Variants in DPP6 observed in about 807,000 individuals in gnomAD.
The protein encoded by DPP6 is A-type potassium channel modulatory protein DPP6.
A neutral mutation model predicts 122.6 loss-of-function variants in DPP6; 69 were observed. The observed-to-expected ratio is 0.56, with a 90% CI of 0.46 to 0.69. The LOEUF (loss-of-function observed/expected upper bound fraction) is 0.69, where lower values mean the gene tolerates loss of function less well. Ranked by LOEUF, DPP6 falls within the 30% of genes least tolerant of loss-of-function variation. The probability of loss-of-function intolerance (pLI) is 0.00; values close to 1 mark genes in which losing one functional copy is unlikely to be tolerated. For missense variants in DPP6, 928 were observed against 1,116.9 expected (o/e 0.83, Z 2.41); for synonymous variants, 418 against 433.1 (o/e 0.97, Z 0.43).
intron 1 of DPP6, among the ~76,000 whole-genome samples, chr7:154,376,543 C>T (rs1475383483): frequency 6.6e-6 from 1 of 152,190 alleles, no homozygotes; most frequent in Non-Finnish European, 1.5e-5. Flanking sequence ...GCTAAAATTG[C>T]ATATAGCAAT....
intron 1 of DPP6, among the ~76,000 whole-genome samples, chr7:154,290,293 T>A (rs1179546305): frequency 6.6e-6 from 1 of 152,222 alleles, no homozygotes; most frequent in Admixed American, 6.5e-5. Flanking sequence ...TCATCTCTAA[T>A]GTTTTACTTC....
At chr7:154,231,485 G>A (rs749026007) in intron 1 of DPP6, among the ~76,000 whole-genome samples, 8 of 152,214 alleles carry the variant, frequency 5.3e-5, no homozygotes, top group Middle Eastern at 3.4e-3. Flanking sequence ...GGATAACATC[G>A]GGCATGAGAG....
At chr7:153,773,610 C>T in the DPP6 span, among the ~76,000 whole-genome samples, 1 of 121,090 alleles carries the variant, frequency 8.3e-6, no homozygotes, top group Non-Finnish European at 1.9e-5. Flanking sequence ...TTCTAAATAA[C>T]CTGCATGTCA....
chr7:154,766,908 G>GC (rs924406038), intron 8 of DPP6, among the ~76,000 whole-genome samples: 7 of 152,070 alleles, frequency 4.6e-5, no homozygotes, highest in African/African-American at 1.2e-4. Context: ...GGTGACCCTT[G>GC]CCCCCCCTTG....
chr7:154,892,508 G>C lies in DPP6; in HGVS notation c.*28G>C, dbSNP rs564626595. The C allele has an allele frequency of 7.4e-5, 120 of 1,611,222 alleles. No homozygotes were observed. The highest frequency in any genetic ancestry group is 1.7e-4 in the Middle Eastern group (1 of 6,052). ...TCAGGTCGCTCTAAGCACAAACGTGGCTCTTTCTACAACCAGATGCAACCG... is the reference window on the plus strand; with the variant it reads ...TCAGGTCGCTCTAAGCACAAACGTGCCTCTTTCTACAACCAGATGCAACCG... On this transcript the variant is annotated 3_prime_UTR_variant, in exon 26 of 26. Transcript: ENST00000377770.
intron 1 of DPP6, among the ~76,000 whole-genome samples, chr7:154,060,097 G>A (rs78584866): frequency 4.1e-5 from 6 of 147,894 alleles, no homozygotes; most frequent in Non-Finnish European, 9.0e-5. Flanking sequence ...CGCAGGGGGG[G>A]AGGCAATCCT....
At chr7:154,361,486 G>C (rs1477285481) in intron 1 of DPP6, among the ~76,000 whole-genome samples, 1 of 151,774 alleles carries the variant, frequency 6.6e-6, no homozygotes, top group East Asian at 1.9e-4. Context: ...TGAGATGACA[G>C]GTCAACATCA....
intron 1 of DPP6, among the ~76,000 whole-genome samples, chr7:153,942,488 ACTT>A (rs781628941): frequency 3.9e-5 from 6 of 152,154 alleles, no homozygotes; most frequent in Non-Finnish European, 7.4e-5. Flanking sequence ...AATGCTGCAT[ACTT>A]TAGGAATGGA....
chr7:154,673,347 G>A (rs184705331), intron 7 of DPP6, among the ~76,000 whole-genome samples: 1 of 152,290 alleles, frequency 6.6e-6, no homozygotes, highest in East Asian at 1.9e-4. Context: ...TTTGGGTCTG[G>A]AGCCCCTATA....
At chr7:154,206,575 C>T (rs79656968) in intron 1 of DPP6, among the ~76,000 whole-genome samples, 1 of 152,146 alleles carries the variant, frequency 6.6e-6, no homozygotes, top group Non-Finnish European at 1.5e-5. Context: ...TTCACTATGA[C>T]CTCACCTACC....
At position 154,207,052 on chromosome 7, in the gene DPP6, G is replaced by A. The variant is rs1279883741; in HGVS notation, c.243+153989G>A. Reference sequence around the variant, plus strand: ...CCCTTACATAGCTGGAGACACAAAAGTGGGGCCTTTGCGTATCCAGATTCG... The same window carrying A: ...CCCTTACATAGCTGGAGACACAAAAATGGGGCCTTTGCGTATCCAGATTCG... On this transcript the variant is annotated intron_variant, in intron 1 of 25. Coordinates refer to ENST00000377770, the MANE Select transcript of DPP6 (RefSeq NM_130797.4). 2.0e-5 allele frequency among the ~76,000 whole-genome samples: 3 copies of A among 152,230 alleles called. No individual in the cohort carries two copies. In the East Asian group the frequency reaches 5.8e-4, roughly 29 times the overall value.
At chr7:154,852,905 C>A (rs982499464) in intron 16 of DPP6, among the ~76,000 whole-genome samples, 1 of 151,978 alleles carries the variant, frequency 6.6e-6, no homozygotes, top group African/African-American at 2.4e-5. Flanking sequence ...GAAACACAGG[C>A]CATGGCAGTG....
At chr7:153,776,551 G>A in the DPP6 span, among the ~76,000 whole-genome samples, 2 of 152,230 alleles carry the variant, frequency 1.3e-5, no homozygotes, top group South Asian at 2.1e-4. Context: ...CCAGTCCTGG[G>A]TATGTCTTTG....
At chr7:154,790,312 T>A (rs1355325202) in intron 10 of DPP6, among the ~76,000 whole-genome samples, 1 of 152,196 alleles carries the variant, frequency 6.6e-6, no homozygotes, top group Non-Finnish European at 1.5e-5. Context: ...TGAGGCAACA[T>A]CAAGCTCTCA....
chr7:154,676,291 C>G (rs111965831), intron 7 of DPP6, among the ~76,000 whole-genome samples: 3 of 134,570 alleles, frequency 2.2e-5, no homozygotes, highest in Non-Finnish European at 3.2e-5. Context: ...GGTCCAGCTG[C>G]CCTTCCCCAT....
At chr7:153,910,234 CTT>C (rs111816561) in intron 1 of DPP6, among the ~76,000 whole-genome samples, 10 of 137,682 alleles carry the variant, frequency 7.3e-5, no homozygotes, top group African/African-American at 8.1e-5. Flanking sequence ...TTCTTTCTTT[CTT>C]TTTTTTTTTT....
At chr7:154,010,990 C>T (rs1798128457) in intron 1 of DPP6, among the ~76,000 whole-genome samples, 1 of 152,194 alleles carries the variant, frequency 6.6e-6, no homozygotes, top group Admixed American at 6.5e-5. Context: ...GTGGATTCAT[C>T]TGGGCATGGC....
intron 1 of DPP6, among the ~76,000 whole-genome samples, chr7:154,227,748 G>A (rs1800696351): frequency 6.6e-6 from 1 of 152,056 alleles, no homozygotes. Context: ...GACTTATTTG[G>A]GGAGATTGTC....
intron 3 of DPP6, among the ~76,000 whole-genome samples, chr7:154,529,981 C>T (rs1201579585): frequency 6.6e-6 from 1 of 151,964 alleles, no homozygotes; most frequent in African/African-American, 2.4e-5. Flanking sequence ...TGAAAATTAG[C>T]TGGGCGTGGT....
Sources: gnomAD v4.1 joint callset for allele counts (sites outside exome capture counted in the v4.1 genomes callset) on GRCh38, gnomAD v4.1.1 for gene constraint, MANE v1.5 for transcripts, NCBI Gene and HGNC (gene_info 2026-07-23, HGNC 2026-07-21) for gene names.